The following CBX1 variants were observed in gnomAD, a reference collection of about 807,000 sequenced individuals.
The protein encoded by CBX1 is chromobox 1, also known as chromobox protein homolog 1.
A neutral mutation model predicts 25.1 loss-of-function variants in CBX1; 10 were observed. The observed-to-expected ratio is 0.40, with a 90% CI of 0.25 to 0.68. The LOEUF is 0.68. Among genes scored for constraint, CBX1 ranks in the 30% least tolerant of loss-of-function variants. CBX1 has a pLI of 0.40. For missense variants in CBX1, 106 were observed against 218.5 expected, an observed-to-expected ratio of 0.49 and a Z score of 3.25; for synonymous variants, 63 against 79.4, an observed-to-expected ratio of 0.79 and a Z score of 1.10.
At chr17:48,072,770 G>A (rs1013928823) in intron 4 of CBX1, among the ~76,000 whole-genome samples, 7 of 149,992 alleles carry the variant, frequency 4.7e-5, no homozygotes, top group African/African-American at 7.3e-5. Flanking sequence ...GCGACAGAGT[G>A]AGACTCTGTC....
At chr17:48,081,542 G>A (rs145272472) in intron 1 of CBX1, among the ~76,000 whole-genome samples, 273 of 152,208 alleles carry the variant, frequency 1.8e-3, no homozygotes, top group African/African-American at 6.3e-3. Flanking sequence ...GAGTTCAAGC[G>A]ATTCTCCTGT....
At chr17:48,075,177 G>A in intron 3 of CBX1, 77 bp from the exon 4 acceptor site, 1 of 907,690 alleles carries the variant, frequency 1.1e-6, no homozygotes, top group Non-Finnish European at 1.8e-6. Flanking sequence ...CTGTGTCTCT[G>A]ATTAATGTAA....
At chr17:48,075,370 T>G (rs935384869) in intron 3 of CBX1, among the ~76,000 whole-genome samples, 8 of 152,012 alleles carry the variant, frequency 5.3e-5, no homozygotes, top group Non-Finnish European at 8.8e-5. Context: ...ATTTTTTGTA[T>G]TTTTAGTAGA....
In CBX1 at chr17:48,076,891, G is replaced by A. The variant is rs1459173651; in HGVS notation, c.114C>T (p.Tyr38=). ...DRRVVKGKVE[Y]LLKWKGFSDE... Reference sequence around the variant, plus strand: ...CTGAGAATCCCTTCCACTTTAGGAGGTACTCCACTTTGCCCTTTACCACTC... The same window carrying A: ...CTGAGAATCCCTTCCACTTTAGGAGATACTCCACTTTGCCCTTTACCACTC... Residue 38 remains tyrosine (Y), a synonymous_variant, in exon 2 of 5, where the codon TAC becomes TAT. Transcript: ENST00000225603. 1.6e-5 allele frequency: 25 copies of A among 1,612,292 alleles called. No homozygotes were observed. Among genetic ancestry groups the A allele is most frequent in the Non-Finnish European group, 1.8e-5 (21 of 1,179,596 alleles).
At chr17:48,072,203 T>A (rs1479248267) in intron 4 of CBX1, among the ~76,000 whole-genome samples, 1 of 151,932 alleles carries the variant, frequency 6.6e-6, no homozygotes, top group Non-Finnish European at 1.5e-5. Flanking sequence ...TTGCCATCTC[T>A]ACTAAAGATG....
intron 1 of CBX1, among the ~76,000 whole-genome samples, chr17:48,082,867 C>CT (rs36125840): frequency 0.011 from 1,395 of 127,174 alleles, 54 homozygotes; most frequent in African/African-American, 0.033. Flanking sequence ...ACACAATTAT[C>CT]TTTTTTTTTT....
chr17:48,072,661 T>C lies in CBX1; in HGVS notation c.414-1082A>G, dbSNP rs183051023. ...AGCCTGGTGTGGTGGCAGGCACCTGTAGTCCCAGCTACTTGGGAGGCTGAG... is the reference window on the plus strand; with the variant it reads ...AGCCTGGTGTGGTGGCAGGCACCTGCAGTCCCAGCTACTTGGGAGGCTGAG... On this transcript the variant is annotated intron_variant, in intron 4 of 4. Transcript: ENST00000225603. 2.2e-4 allele frequency among the ~76,000 whole-genome samples: 34 copies of C among 152,004 alleles called. 2 individuals are homozygous for C. In the East Asian group the frequency reaches 6.4e-3, roughly 29 times the overall value.
At chr17:48,080,952 ATATATATATATATATATATATATAT>A (rs1196557541) in intron 1 of CBX1, among the ~76,000 whole-genome samples, 2 of 8,956 alleles carry the variant, frequency 2.2e-4, no homozygotes, top group Non-Finnish European at 3.9e-4. Flanking sequence ...AAAAAAAAAA[ATATATATATATATATATATATATAT>A]ATATATATAT....
intron 2 of CBX1, 37 bp from the exon 3 acceptor site, chr17:48,076,215 C>CATTTT: frequency 6.8e-7 from 1 of 1,471,226 alleles, no homozygotes; most frequent in Middle Eastern, 1.8e-4. Context: ...CACTTTCACT[C>CATTTT]AAATAAGTAT....
intron 1 of CBX1, among the ~76,000 whole-genome samples, chr17:48,077,571 T>C (rs1330547508): frequency 6.6e-6 from 1 of 151,576 alleles, no homozygotes; most frequent in Non-Finnish European, 1.5e-5. Flanking sequence ...ATTACAGGCA[T>C]GAGCCACCAC....
chr17:48,078,747 C>T (rs2037701822), intron 1 of CBX1, among the ~76,000 whole-genome samples: 1 of 149,326 alleles, frequency 6.7e-6, no homozygotes, highest in Admixed American at 6.7e-5. Context: ...CTTGGCTTTC[C>T]AAAGTGCTGG....
At chr17:48,074,631 C>G (rs571163954) in intron 4 of CBX1, among the ~76,000 whole-genome samples, 1 of 152,152 alleles carries the variant, frequency 6.6e-6, no homozygotes, top group African/African-American at 2.4e-5. Context: ...GAGAATTTAG[C>G]AGAATTTCTG....
intron 3 of CBX1, 105 bp from the exon 4 acceptor site, chr17:48,075,205 T>C (rs2037663257): frequency 1.2e-6 from 1 of 816,920 alleles, no homozygotes; most frequent in Non-Finnish European, 2.0e-6. Flanking sequence ...CTCTTTTTTT[T>C]TTTTTTTGAG....
At chr17:48,079,529 T>C (rs894345136) in intron 1 of CBX1, among the ~76,000 whole-genome samples, 2 of 152,230 alleles carry the variant, frequency 1.3e-5, no homozygotes, top group Non-Finnish European at 2.9e-5. Context: ...TGTCTCACTC[T>C]ATCACCTAGG....
intron 1 of CBX1, among the ~76,000 whole-genome samples, chr17:48,086,401 A>G (rs756901254): frequency 1.4e-4 from 22 of 152,238 alleles, no homozygotes; most frequent in Non-Finnish European, 2.6e-4. Flanking sequence ...GGCTGCCACC[A>G]TAAACATGAA....
At chr17:48,090,140 G>C (rs2063336759) in intron 1 of CBX1, among the ~76,000 whole-genome samples, 1 of 151,888 alleles carries the variant, frequency 6.6e-6, no homozygotes, top group Non-Finnish European at 1.5e-5. Flanking sequence ...TCGACCTCAT[G>C]ATCTGCCCAC....
intron 1 of CBX1, among the ~76,000 whole-genome samples, chr17:48,099,906 C>T (rs1433190347): frequency 1.3e-5 from 2 of 151,956 alleles, no homozygotes; most frequent in Non-Finnish European, 2.9e-5. Context: ...TTTGGGAGGC[C>T]GACGCGGGAG....
intron 1 of CBX1, among the ~76,000 whole-genome samples, chr17:48,089,102 C>CT (rs71366828): frequency 0.49 from 66,837 of 136,974 alleles, 17,787 homozygotes; most frequent in East Asian, 0.7. Flanking sequence ...GCATCTGCAT[C>CT]TTTTTTTTTT....
At chr17:48,082,521 A>ACC (rs1567766140) in intron 1 of CBX1, among the ~76,000 whole-genome samples, 22 of 148,390 alleles carry the variant, frequency 1.5e-4, no homozygotes, top group African/African-American at 5.4e-4. Flanking sequence ...AAAAAAAAAA[A>ACC]AAAAGGAAAA....
Sources: allele counts gnomAD v4.1 joint callset (sites outside exome capture counted in the v4.1 genomes callset), GRCh38; gene constraint gnomAD v4.1.1; transcripts MANE v1.5; gene names NCBI Gene and HGNC (gene_info 2026-07-23, HGNC 2026-07-21).